The following NFIL3 variants were observed in gnomAD, a reference collection of about 807,000 sequenced individuals.
NFIL3 encodes nuclear factor, interleukin 3 regulated, also known as nuclear factor interleukin-3-regulated protein.
In NFIL3, 5 loss-of-function variants were observed where a neutral mutation model predicts 10.0. That is an observed-to-expected ratio of 0.50 (90% CI 0.26 to 1.06). The LOEUF (loss-of-function observed/expected upper bound fraction) is 1.06, where lower values mean the gene tolerates loss of function less well. NFIL3 is among the 50% of genes least tolerant of loss of function. NFIL3 has a pLI of 0.13. For missense variants in NFIL3, 436 were observed against 547.6 expected (o/e 0.80, Z 2.03); for synonymous variants, 202 against 206.5 (o/e 0.98, Z 0.19).
the NFIL3 span, among the ~76,000 whole-genome samples, chr9:91,482,901 C>T: frequency 6.6e-6 from 1 of 152,194 alleles, no homozygotes; most frequent in East Asian, 1.9e-4. Context: ...GAAAGGACTG[C>T]GTCATCACCC....
the NFIL3 span, among the ~76,000 whole-genome samples, chr9:91,445,903 C>G: frequency 6.6e-6 from 1 of 152,078 alleles, no homozygotes; most frequent in Non-Finnish European, 1.5e-5. Context: ...GTAATGCTAT[C>G]ATGTGGGCAT....
the NFIL3 span, among the ~76,000 whole-genome samples, chr9:91,443,284 C>A: frequency 6.6e-6 from 1 of 152,222 alleles, no homozygotes; most frequent in Admixed American, 6.5e-5. Flanking sequence ...TCATTCCAGT[C>A]CACAGACTCT....
chr9:91,410,192 G>A lies in NFIL3; in HGVS notation c.543C>T (p.His181=). The change falls in exon 2 of 2, where the codon CAC becomes CAT. Residue 181 remains histidine (H), a synonymous_variant. Coordinates refer to ENST00000297689, the MANE Select transcript of NFIL3 (RefSeq NM_005384.3). The surrounding 1 kb of genome is among the most constrained non-coding windows in gnomAD (Gnocchi z 5.7). ...CATCGGACAGCGAGCTTTGTGGAGAGTGTTTAATGACAGAAATACAACTAC... is the reference window on the plus strand; with the variant it reads ...CATCGGACAGCGAGCTTTGTGGAGAATGTTTAATGACAGAAATACAACTAC... ...VSSSCISVIK[H]SPQSSLSDVS... The A allele has an allele frequency of 3.7e-6, 6 of 1,614,144 alleles. No individual in the cohort carries two copies. Among genetic ancestry groups the A allele is most frequent in the Non-Finnish European group, 5.1e-6 (6 of 1,180,010 alleles).
chr9:91,452,562 G>A, the NFIL3 span, among the ~76,000 whole-genome samples: 42 of 152,162 alleles, frequency 2.8e-4, no homozygotes, highest in African/African-American at 9.9e-4. Flanking sequence ...ATCACCTGAG[G>A]TCAGGAGTTC....
chr9:91,467,466 T>A, the NFIL3 span, among the ~76,000 whole-genome samples: 1 of 151,938 alleles, frequency 6.6e-6, no homozygotes, highest in Non-Finnish European at 1.5e-5. Flanking sequence ...ATATTAACCA[T>A]GTATACTGCA....
At chr9:91,475,155 T>C in the NFIL3 span, among the ~76,000 whole-genome samples, 1 of 152,232 alleles carries the variant, frequency 6.6e-6, no homozygotes, top group Non-Finnish European at 1.5e-5. Flanking sequence ...AGGCTTTCTT[T>C]TCTACCCACT....
the NFIL3 span, among the ~76,000 whole-genome samples, chr9:91,476,553 A>C: frequency 6.6e-6 from 1 of 151,996 alleles, no homozygotes; most frequent in Non-Finnish European, 1.5e-5. Flanking sequence ...AGCCTGGGTG[A>C]CAGAGCAAGA....
chr9:91,463,188 A>T, the NFIL3 span, among the ~76,000 whole-genome samples: 1 of 151,440 alleles, frequency 6.6e-6, no homozygotes, highest in Non-Finnish European at 1.5e-5. Context: ...AATTTCATTG[A>T]TTTCTTTTCT....
the NFIL3 span, among the ~76,000 whole-genome samples, chr9:91,462,806 C>G: frequency 1.7e-5 from 2 of 117,066 alleles, no homozygotes; most frequent in African/African-American, 3.4e-5. Flanking sequence ...TTGATTCCAT[C>G]AAGGCCCAAT....
the NFIL3 span, among the ~76,000 whole-genome samples, chr9:91,447,088 T>A: frequency 6.6e-6 from 1 of 152,172 alleles, no homozygotes; most frequent in African/African-American, 2.4e-5. Flanking sequence ...AATGCTGGGA[T>A]TACAGATGTG....
the NFIL3 span, among the ~76,000 whole-genome samples, chr9:91,439,844 T>A: frequency 1.3e-5 from 2 of 152,160 alleles, no homozygotes; most frequent in Non-Finnish European, 2.9e-5. Context: ...AAATCAGTGT[T>A]ATATGCCAGA....
At chr9:91,421,874 C>T (rs1281980317) in intron 1 of NFIL3, among the ~76,000 whole-genome samples, 2 of 152,194 alleles carry the variant, frequency 1.3e-5, no homozygotes, top group Non-Finnish European at 2.9e-5. Context: ...CCATCATATA[C>T]ATATATTCAC....
the NFIL3 span, among the ~76,000 whole-genome samples, chr9:91,471,096 A>G: frequency 6.6e-6 from 1 of 152,104 alleles, no homozygotes; most frequent in Non-Finnish European, 1.5e-5. Context: ...TGTCTCGTTG[A>G]TCTGTCTAAT....
chr9:91,416,437 C>T (rs1249048816), intron 1 of NFIL3, among the ~76,000 whole-genome samples: 1 of 152,144 alleles, frequency 6.6e-6, no homozygotes, highest in African/African-American at 2.4e-5. Flanking sequence ...CAATATTTTC[C>T]CTTATGATTA....
the NFIL3 span, among the ~76,000 whole-genome samples, chr9:91,462,928 T>C: frequency 6.6e-6 from 1 of 152,014 alleles, no homozygotes; most frequent in African/African-American, 2.4e-5. Flanking sequence ...TGGTAGTTTA[T>C]GTCTTTCAAG....
the NFIL3 span, among the ~76,000 whole-genome samples, chr9:91,454,501 T>C: frequency 6.6e-6 from 1 of 152,048 alleles, no homozygotes; most frequent in African/African-American, 2.4e-5. Flanking sequence ...TGGGCCATAA[T>C]TCAATTACCC....
At chr9:91,411,019 T>A in intron 1 of NFIL3, 113 bp from the exon 2 acceptor site, 2 of 431,360 alleles carry the variant, frequency 4.6e-6, no homozygotes, top group Non-Finnish European at 8.5e-6. Context: ...AGATGAGGCA[T>A]GGCCACAGTT....
At chr9:91,461,595 G>A in the NFIL3 span, among the ~76,000 whole-genome samples, 1 of 152,162 alleles carries the variant, frequency 6.6e-6, no homozygotes, top group African/African-American at 2.4e-5. Flanking sequence ...TCCAGCTTCT[G>A]ATGGCTTCAG....
At chr9:91,458,338 G>C in the NFIL3 span, among the ~76,000 whole-genome samples, 1 of 152,014 alleles carries the variant, frequency 6.6e-6, no homozygotes, top group African/African-American at 2.4e-5. Context: ...GGCTATTTAG[G>C]TTATTTATCT....
Sources: gnomAD v4.1 joint callset for allele counts (sites outside exome capture counted in the v4.1 genomes callset) on GRCh38, gnomAD v4.1.1 for gene constraint, Gnocchi (gnomAD v3.1) non-coding constraint, MANE v1.5 for transcripts, NCBI Gene and HGNC (gene_info 2026-07-23, HGNC 2026-07-21) for gene names.